Variants in CCDC112 observed in about 807,000 individuals in gnomAD.
CCDC112 encodes the protein coiled-coil domain containing 112, also known as coiled-coil domain-containing protein 112.
In CCDC112, 40 loss-of-function variants were observed where a neutral mutation model predicts 66.3. That is an observed-to-expected ratio of 0.60 (90% CI 0.47 to 0.79). CCDC112 has a LOEUF of 0.79. CCDC112 is among the 30% of genes least tolerant of loss of function. The pLI is 0.00. For synonymous variants in CCDC112, 214 were observed against 197.2 expected, an observed-to-expected ratio of 1.09 and a Z score of -0.71; for missense variants, 659 against 603.8, an observed-to-expected ratio of 1.09 and a Z score of -0.96.
rs1382904404 is a variant in CCDC112, at chr5:115,269,700, T to C, written c.1428+3A>G. On this transcript the variant is annotated splice_donor_region_variant and intron_variant, in intron 8 of 9. Transcript: ENST00000379611. ...CAATGAAAATAATCTCGGTGCAGAG[T>C]ACCTTTTCTTTTAATTTTGCCAGTC... is the stretch of plus-strand genomic sequence containing the variant. 1 of 1,574,782 alleles carries C rather than the reference T, an allele frequency of 6.4e-7. No individual in the cohort carries two copies. The highest frequency in any genetic ancestry group is 8.7e-7 in the Non-Finnish European group (1 of 1,154,862).
Position 115,277,757 on chromosome 5 carries a change from T to A in CCDC112, c.362-703A>T, listed in dbSNP as rs188033758. 2.5e-4 allele frequency among the ~76,000 whole-genome samples: 38 copies of A among 152,298 alleles called. No individual in the cohort carries two copies. The East Asian group carries it at 7.1e-3, about 29-fold the overall frequency. Reference sequence around the variant, plus strand: ...CAGCATAAAGGATTCTTCTTTCATATTTTTTTCTGAAGGAATAATCTTACT... The same window carrying A: ...CAGCATAAAGGATTCTTCTTTCATAATTTTTTCTGAAGGAATAATCTTACT... On this transcript the variant is annotated intron_variant, in intron 3 of 9. Transcript: ENST00000379611.
rs200349433 is a variant in CCDC112 at position 115,276,086 on chromosome 5, G to A, written c.452-17C>T. 1 of 1,568,578 alleles carries A rather than the reference G, an allele frequency of 6.4e-7. No homozygotes were observed. The highest frequency in any genetic ancestry group is 8.7e-7 in the Non-Finnish European group (1 of 1,155,754). ...TCTCAACAACTGTAAAAGAAACACG[G>A]AAAATTATTTTGTGCCATTTTCCCA... On this transcript the variant is annotated splice_polypyrimidine_tract_variant and intron_variant, in intron 4 of 9. Transcript: ENST00000379611.
intron 3 of CCDC112, among the ~76,000 whole-genome samples, chr5:115,278,447 A>G (rs1450218388): frequency 6.6e-6 from 1 of 152,120 alleles, no homozygotes; most frequent in African/African-American, 2.4e-5. Flanking sequence ...AAAGTGTAGT[A>G]ACACTACACT....
At chr5:115,274,938 T>C (rs1419313197) in intron 6 of CCDC112, among the ~76,000 whole-genome samples, 3 of 152,156 alleles carry the variant, frequency 2.0e-5, no homozygotes, top group Non-Finnish European at 4.4e-5. Flanking sequence ...AGACAGGGTT[T>C]TGCCATGTTG....
chr5:115,285,958 AG>A (rs1432794451), intron 1 of CCDC112, among the ~76,000 whole-genome samples: 4 of 152,202 alleles, frequency 2.6e-5, no homozygotes, highest in African/African-American at 9.7e-5. Context: ...GTGGGGGATG[AG>A]GGGAAAAGGA....
At chr5:115,271,955 G>A (rs759797547) in intron 6 of CCDC112, among the ~76,000 whole-genome samples, 6 of 126,138 alleles carry the variant, frequency 4.8e-5, no homozygotes, top group East Asian at 2.2e-4. Flanking sequence ...ACGGAGTTTC[G>A]CTTTTGTTGC....
At chr5:115,281,231 C>T (rs143095253) in intron 2 of CCDC112, among the ~76,000 whole-genome samples, 25 of 152,196 alleles carry the variant, frequency 1.6e-4, no homozygotes, top group Non-Finnish European at 3.1e-4. Context: ...GCCATGTTGG[C>T]CAGGCTAGTC....
Position 115,268,904 on chromosome 5 carries a change from G to C in CCDC112, c.1525C>G (p.Pro509Ala). Reference protein sequence around the residue: ...TKKIGPTGSGPLLHIPHRAIP... With the variant: ...TKKIGPTGSGALLHIPHRAIP... ...TACCTATGTGGGATATGTAGAAGTG[G>C]CCCAGAGCCTGTTGGTCCTATCTTT... Residue 509 changes from proline (P) to alanine (A), a missense_variant, in exon 9 of 10, where the codon CCA becomes GCA. Pro to Ala is a conservative substitution (Grantham distance 27, BLOSUM62 -1). Transcript: ENST00000379611. 1 of 1,601,894 alleles carries C rather than the reference G, an allele frequency of 6.2e-7. No homozygotes were observed. The highest frequency in any genetic ancestry group is 2.3e-5 in the East Asian group (1 of 43,618).
At position 115,271,217 on chromosome 5, in the gene CCDC112, T is replaced by A; in HGVS notation, c.1328A>T (p.Glu443Val). The A allele has an allele frequency of 6.3e-7, 1 of 1,578,172 alleles. No individual in the cohort carries two copies. Among genetic ancestry groups the A allele is most frequent in the Non-Finnish European group, 8.5e-7 (1 of 1,170,200 alleles). The change falls in exon 7 of 10, where the codon GAA becomes GTA. Residue 443 changes from glutamate (E) to valine (V), a missense_variant. Transcript: ENST00000379611. The stretch of plus-strand genomic sequence containing the variant: ...TTAGGAAATAGATTTACTCACTCTT[T>A]CTTGAAATCTGGAAATTTCATCAGC... ...NAADEISRFQ[E>V]RDLHKLELKI...
At chr5:115,275,692 T>C in intron 5 of CCDC112, 86 bp from the exon 6 acceptor site, 1 of 930,052 alleles carries the variant, frequency 1.1e-6, no homozygotes, top group African/African-American at 1.7e-5. Flanking sequence ...CCTGACTCTT[T>C]ATATCATCTT....
At chr5:115,292,582 A>T (rs1359073209) in intron 1 of CCDC112, among the ~76,000 whole-genome samples, 3 of 152,254 alleles carry the variant, frequency 2.0e-5, no homozygotes, top group African/African-American at 7.2e-5. Flanking sequence ...AAGACTGGAC[A>T]TATAAAATAA....
At chr5:115,296,000 C>T (rs1750138767) in intron 1 of CCDC112, 40 of 989,026 alleles carry the variant, frequency 4.0e-5, no homozygotes, top group Non-Finnish European at 4.8e-5. Context: ...TCCTTGTGTT[C>T]CCAGCGCCGG....
chr5:115,267,968 GA>G (rs752646750), intron 9 of CCDC112, 50 bp from the exon 10 acceptor site: 43 of 1,412,456 alleles, frequency 3.0e-5, no homozygotes, highest in South Asian at 2.1e-4. Flanking sequence ...AAATTAAAAA[GA>G]AAAAAACCCT....
intron 1 of CCDC112, among the ~76,000 whole-genome samples, chr5:115,294,874 TG>T (rs1462782712): frequency 2.6e-5 from 4 of 152,178 alleles, no homozygotes; most frequent in Admixed American, 2.6e-4. Flanking sequence ...TGTTTTGTTT[TG>T]TTTTTTTAAA....
chr5:115,283,200 C>A (rs950785643), intron 2 of CCDC112, among the ~76,000 whole-genome samples: 2 of 152,110 alleles, frequency 1.3e-5, no homozygotes, highest in Non-Finnish European at 2.9e-5. Context: ...TAACTATACT[C>A]ACCATGCTGT....
In CCDC112 at chr5:115,296,551, C is replaced by G; in HGVS notation, c.-8G>C. 6.7e-7 allele frequency: 1 copy of G among 1,482,158 alleles called. No individual in the cohort carries two copies. Among genetic ancestry groups the G allele is most frequent in the East Asian group, 2.8e-5 (1 of 35,920 alleles). The allele number at this position is 1,482,158 out of a possible 1,614,324, so 91.8% of individuals were successfully genotyped here. On this transcript the variant is annotated 5_prime_UTR_variant, in exon 1 of 10. Coordinates refer to ENST00000379611, the MANE Select transcript of CCDC112 (RefSeq NM_001040440.3). ...CGTCGTCAGTGCGGCCATGTTTACCCGCCGAGCTACTCGGGCCGCGGCGGC... is the reference window on the plus strand; with the variant it reads ...CGTCGTCAGTGCGGCCATGTTTACCGGCCGAGCTACTCGGGCCGCGGCGGC...
chr5:115,279,677 T>C lies in CCDC112; in HGVS notation c.331A>G (p.Asn111Asp), dbSNP rs867834923. 1.2e-6 allele frequency: 2 copies of C among 1,611,876 alleles called. No individual in the cohort carries two copies. The highest frequency in any genetic ancestry group is 1.7e-5 in the Admixed American group (1 of 59,948). ...GTTTTCCTGCTGTGAATCAATTTATTTTCCAATTCTTCTAGCATACTATGC... is the reference window on the plus strand; with the variant it reads ...GTTTTCCTGCTGTGAATCAATTTATCTTCCAATTCTTCTAGCATACTATGC... Reference protein sequence around the residue: ...IEHSMLEELENKLIHSRKTER... With the variant: ...IEHSMLEELEDKLIHSRKTER... Residue 111 changes from asparagine to aspartate, a missense_variant, in exon 3 of 10, where the codon AAT (asparagine) becomes GAT (aspartate). Transcript: ENST00000379611.
At chr5:115,279,611 C>G in intron 3 of CCDC112, 36 bp downstream of exon 3, 1 of 1,604,052 alleles carries the variant, frequency 6.2e-7, no homozygotes, top group Non-Finnish European at 8.5e-7. Context: ...CTTTATATCG[C>G]TCAACAGTTT....
chr5:115,277,090 G>A, intron 3 of CCDC112, 36 bp from the exon 4 acceptor site: 1 of 1,229,158 alleles, frequency 8.1e-7, no homozygotes, highest in Non-Finnish European at 1.2e-6. Flanking sequence ...AAATAATTCT[G>A]TGACAAATGT....
Sources: gnomAD v4.1 joint callset for allele counts (sites outside exome capture counted in the v4.1 genomes callset) on GRCh38, gnomAD v4.1.1 for gene constraint, MANE v1.5 for transcripts, NCBI Gene and HGNC (gene_info 2026-07-23, HGNC 2026-07-21) for gene names.